NSUN4: variants seen among roughly 807,000 people sequenced by gnomAD.
NSUN4 encodes 5-cytosine rRNA methyltransferase NSUN4.
Under a neutral mutation model 43.8 loss-of-function variants are expected in NSUN4, and 31 were observed. The ratio of observed to expected loss-of-function variants is 0.71; its 90% CI spans 0.53 to 0.96. NSUN4 has a LOEUF of 0.96. Among genes scored for constraint, NSUN4 ranks in the 40% least tolerant of loss-of-function variants. The probability of loss-of-function intolerance (pLI) is 0.00; values close to 1 mark genes in which losing one functional copy is unlikely to be tolerated. For missense variants in NSUN4, 439 were observed against 475.6 expected (o/e 0.92, Z 0.72); for synonymous variants, 167 against 184.1 (o/e 0.91, Z 0.75).
intron 1 of NSUN4, chr1:46,343,345 G>A (rs944532390): frequency 2.8e-5 from 11 of 399,644 alleles, no homozygotes; most frequent in African/African-American, 4.1e-5. Flanking sequence ...ATTGTCCCCC[G>A]AGTCCGGGCC....
chr1:46,349,209 G>A lies in NSUN4; in HGVS notation c.592+2134G>A, dbSNP rs372176596. On this transcript the variant is annotated intron_variant, in intron 3 of 5. Coordinates refer to ENST00000474844, the MANE Select transcript of NSUN4 (RefSeq NM_199044.4). ...GGCTGGAGTGCAGTGGCGTGATCTC[G>A]GCTCACTGCAAACTCCGCCTCCCGG... is the stretch of plus-strand genomic sequence containing the variant. 5.2e-4 allele frequency among the ~76,000 whole-genome samples: 77 copies of A among 148,756 alleles called. 1 individual carries two copies. The South Asian group carries it at 0.015, about 29-fold the overall frequency.
rs1257998407 is a variant in NSUN4, at chr1:46,352,917, G to A, written c.642G>A (p.Gln214=). The A allele has an allele frequency of 6.2e-7, 1 of 1,614,142 alleles. No individual in the cohort carries two copies. Among genetic ancestry groups the A allele is most frequent in the Non-Finnish European group, 8.5e-7 (1 of 1,180,006 alleles). ...CCCCGTCCCGAATAGCCAGACTACA[G>A]AAGATCCTTCACAGCTATGTGCCTG... ...DLSPSRIARL[Q]KILHSYVPEE... Residue 214 remains glutamine (Q), a synonymous_variant, in exon 4 of 6, where the codon CAG becomes CAA. Transcript: ENST00000474844.
chr1:46,356,133 G>A (rs1346790359), intron 4 of NSUN4, among the ~76,000 whole-genome samples: 3 of 152,094 alleles, frequency 2.0e-5, no homozygotes, highest in East Asian at 1.9e-4. Flanking sequence ...ATGCAGTGGC[G>A]CAATCATGGC....
At chr1:46,349,240 T>C (rs1342381534) in intron 3 of NSUN4, among the ~76,000 whole-genome samples, 1 of 150,786 alleles carries the variant, frequency 6.6e-6, no homozygotes, top group Non-Finnish European at 1.5e-5. Flanking sequence ...CCCGGGTTCA[T>C]GCCATTCTCC....
rs965660098 is a variant in NSUN4, at chr1:46,362,031, C to G, written c.*185C>G. 1.6e-6 allele frequency: 1 copy of G among 627,026 alleles called. No individual in the cohort carries two copies. The highest frequency in any genetic ancestry group is 2.8e-6 in the Non-Finnish European group (1 of 362,246). 38.8% of individuals were successfully genotyped at this position (627,026 alleles called of 1,614,324 possible). On this transcript the variant is annotated 3_prime_UTR_variant, in exon 6 of 6. Coordinates refer to ENST00000474844, the MANE Select transcript of NSUN4 (RefSeq NM_199044.4). ...GTCCTGCTGTCCAATTGTGGAGCAT[C>G]AGCAGGTTTCCAACTCACTCATTAA...
chr1:46,374,544 G>A, the NSUN4 span, among the ~76,000 whole-genome samples: 1 of 152,180 alleles, frequency 6.6e-6, no homozygotes, highest in South Asian at 2.1e-4. Flanking sequence ...AGGAGGCAGA[G>A]GTTGTAGTGA....
At chr1:46,370,643 A>G in the NSUN4 span, 1 of 151,986 alleles carries the variant, frequency 6.6e-6, no homozygotes, top group Non-Finnish European at 1.5e-5. Flanking sequence ...ATTAATAGAA[A>G]TTATTCCAAA....
At chr1:46,354,911 T>C (rs1209281786) in intron 4 of NSUN4, among the ~76,000 whole-genome samples, 1 of 152,124 alleles carries the variant, frequency 6.6e-6, no homozygotes, top group Non-Finnish European at 1.5e-5. Context: ...CCTCAAGTGA[T>C]CCATTAGCCT....
the NSUN4 span, among the ~76,000 whole-genome samples, chr1:46,371,928 A>G: frequency 6.6e-6 from 1 of 152,006 alleles, no homozygotes; most frequent in Non-Finnish European, 1.5e-5. Context: ...TTCATGAGGG[A>G]TCCGCCCCTA....
intron 4 of NSUN4, 53 bp downstream of exon 4, chr1:46,353,081 C>G: frequency 6.4e-7 from 1 of 1,567,182 alleles, no homozygotes; most frequent in Non-Finnish European, 8.8e-7. Flanking sequence ...GCCTCCCCAT[C>G]CTGGTTCTAG....
rs143714385 is a variant in NSUN4, at chr1:46,362,140, T to C, written c.*294T>C. 413 of 433,896 alleles carry C rather than the reference T, an allele frequency of 9.5e-4. 3 individuals are homozygous for C. The highest frequency in any genetic ancestry group is 7.7e-3 in the African/African-American group (387 of 50,504). 26.9% of individuals were successfully genotyped at this position (433,896 alleles called of 1,614,324 possible). ...GAGAAGCCAGTGAGCAGGCTCACAC[T>C]AAGTTGTAAACATAGGAGAAGCATT... On this transcript the variant is annotated 3_prime_UTR_variant, in exon 6 of 6. Transcript: ENST00000474844.
chr1:46,383,744 C>T, the NSUN4 span, among the ~76,000 whole-genome samples: 2 of 152,260 alleles, frequency 1.3e-5, no homozygotes, highest in East Asian at 1.9e-4. Flanking sequence ...CGTGAGCCAC[C>T]GTGCCCGGCC....
chr1:46,341,095 G>A, intron 1 of NSUN4, 176 bp downstream of exon 1: 3 of 1,200,068 alleles, frequency 2.5e-6, no homozygotes, highest in Non-Finnish European at 3.3e-6. Flanking sequence ...TCTATGTCCC[G>A]AGCGTTAGTG....
At chr1:46,344,183 A>G (rs994985936) in intron 1 of NSUN4, 2 of 164,380 alleles carry the variant, frequency 1.2e-5, no homozygotes, top group Non-Finnish European at 2.6e-5. Flanking sequence ...TCACACCTCA[A>G]GATTCTGTGG....
chr1:46,383,613 G>T, the NSUN4 span, among the ~76,000 whole-genome samples: 2 of 151,714 alleles, frequency 1.3e-5, no homozygotes, highest in Admixed American at 1.3e-4. Context: ...CTGCCACCAC[G>T]CCTGGCTAAT....
chr1:46,347,521 A>G (rs1387083887), intron 3 of NSUN4, among the ~76,000 whole-genome samples: 2 of 152,092 alleles, frequency 1.3e-5, no homozygotes, highest in East Asian at 1.9e-4. Context: ...AAGCTTGTGT[A>G]TTTTTTCATT....
At chr1:46,359,055 C>T (rs1014986045) in intron 4 of NSUN4, among the ~76,000 whole-genome samples, 1 of 151,886 alleles carries the variant, frequency 6.6e-6, no homozygotes, top group African/African-American at 2.4e-5. Flanking sequence ...GTCAAGATTT[C>T]GAGACCAACC....
chr1:46,352,229 A>G (rs532817693), intron 3 of NSUN4, among the ~76,000 whole-genome samples: 81 of 151,342 alleles, frequency 5.4e-4, no homozygotes, highest in African/African-American at 1.8e-3. Flanking sequence ...GGCAGGCGGG[A>G]TCACCTGAGG....
the NSUN4 span, among the ~76,000 whole-genome samples, chr1:46,374,717 T>A: frequency 6.6e-6 from 1 of 152,140 alleles, no homozygotes; most frequent in Non-Finnish European, 1.5e-5. Flanking sequence ...GAATAGATTT[T>A]AAGAGCCGAT....
Sources: allele counts gnomAD v4.1 joint callset (sites outside exome capture counted in the v4.1 genomes callset), GRCh38; gene constraint gnomAD v4.1.1; transcripts MANE v1.5; gene names NCBI Gene and HGNC (gene_info 2026-07-23, HGNC 2026-07-21).